TULP3: variants seen among roughly 807,000 people sequenced by gnomAD.
TULP3 encodes TUB like protein 3, also known as tubby-related protein 3.
TULP3 carries 38 observed loss-of-function variants against 50.7 expected under a neutral mutation model. That is an observed-to-expected ratio of 0.75 (90% CI 0.58 to 0.98). The LOEUF (loss-of-function observed/expected upper bound fraction) is 0.98, where lower values mean the gene tolerates loss of function less well. Ranked by LOEUF, TULP3 falls within the 50% of genes least tolerant of loss-of-function variation. The pLI is 0.00. For missense variants in TULP3, 550 were observed against 568.0 expected, an observed-to-expected ratio of 0.97 and a Z score of 0.32; for synonymous variants, 183 against 196.6, an observed-to-expected ratio of 0.93 and a Z score of 0.58.
At position 2,911,664 on chromosome 12, in the gene TULP3, CTTTTTTTTTTTTTTTTTTTTTTTTT is replaced by C. The variant is rs56027951; in HGVS notation, c.93+2103_93+2127del. 1.1e-3 allele frequency among the ~76,000 whole-genome samples: 41 copies of C among 38,180 alleles called. 3 individuals are homozygous for C. Among genetic ancestry groups the C allele is most frequent in the Non-Finnish European group, 1.0e-3 (20 of 19,594 alleles). The allele number at this position is 38,180 out of a possible 152,430, so 25.0% of individuals were successfully genotyped here. The stretch of plus-strand genomic sequence containing the variant: ...ACAGGCGTGAGCCACTGCGCCCAGC[CTTTTTTTTTTTTTTTTTTTTTTTTT>C]TTTTTTTTTTTTTTTTTTGAGTCAG... On this transcript the variant is annotated intron_variant, in intron 2 of 10. Coordinates refer to ENST00000448120, the MANE Select transcript of TULP3 (RefSeq NM_003324.5).
intron 1 of TULP3, among the ~76,000 whole-genome samples, chr12:2,899,785 C>T (rs961907854): frequency 2.0e-5 from 3 of 151,368 alleles, no homozygotes; most frequent in Admixed American, 1.3e-4. Flanking sequence ...CTTAGTTACT[C>T]GGGAGGCTGA....
chr12:2,922,357 G>T lies in TULP3; in HGVS notation c.349G>T (p.Asp117Tyr). The change falls in exon 4 of 11, where the codon GAT becomes TAT. Residue 117 changes from aspartate (D) to tyrosine (Y), a missense_variant. Coordinates refer to ENST00000448120, the MANE Select transcript of TULP3 (RefSeq NM_003324.5). ...VVEEDAENTV[D>Y]TASKPGLQER... ...GGAAGAAGATGCTGAAAACACCGTGGATACTGCTTCCAAGCCAGGACTTCA... is the reference window on the plus strand; with the variant it reads ...GGAAGAAGATGCTGAAAACACCGTGTATACTGCTTCCAAGCCAGGACTTCA... The T allele has an allele frequency of 6.2e-7, 1 of 1,614,088 alleles. No individual in the cohort carries two copies.
chr12:2,901,682 T>C (rs1187790236), intron 1 of TULP3, among the ~76,000 whole-genome samples: 1 of 152,122 alleles, frequency 6.6e-6, no homozygotes, highest in Non-Finnish European at 1.5e-5. Flanking sequence ...CGTGCCTGGC[T>C]CCAATTTTTA....
chr12:2,938,389 A>G lies in TULP3; in HGVS notation c.1195+104A>G, dbSNP rs114621268. 2.3e-3 allele frequency: 2,949 copies of G among 1,277,634 alleles called. 57 individuals carry two copies. In the African/African-American group the frequency reaches 0.038, roughly 16 times the overall value. 79.1% of individuals were successfully genotyped at this position (1,277,634 alleles called of 1,614,324 possible). A position where few individuals can be genotyped will look rare whatever the true frequency, so the allele number is the denominator to read the frequency against. On this transcript the variant is annotated intron_variant, in intron 10 of 10. Transcript: ENST00000448120. ...GATAGGAAGTGACAGTCAGCAGATA[A>G]TCATGGAGGAGAGACAGGATTTCTT...
intron 1 of TULP3, among the ~76,000 whole-genome samples, chr12:2,907,657 A>T (rs2098183116): frequency 2.6e-5 from 3 of 114,388 alleles, no homozygotes; most frequent in African/African-American, 1.2e-4. Context: ...CAAAAAAAAA[A>T]AAAATTTTTT....
At chr12:2,924,432 C>CT (rs1173178800) in intron 4 of TULP3, among the ~76,000 whole-genome samples, 1 of 152,052 alleles carries the variant, frequency 6.6e-6, no homozygotes, top group Non-Finnish European at 1.5e-5. Context: ...AATCCCAGCA[C>CT]TTTAAGAGGC....
At chr12:2,919,094 G>C (rs554292579) in intron 2 of TULP3, among the ~76,000 whole-genome samples, 1 of 152,116 alleles carries the variant, frequency 6.6e-6, no homozygotes, top group East Asian at 1.9e-4. Flanking sequence ...GTTTCACCAT[G>C]TTGGCCAGGG....
chr12:2,938,778 C>T (rs892954583), intron 10 of TULP3, among the ~76,000 whole-genome samples: 6 of 151,162 alleles, frequency 4.0e-5, no homozygotes, highest in African/African-American at 1.2e-4. Context: ...AAGAACCTGT[C>T]TCAGAAAAAA....
In TULP3 at chr12:2,939,196, G is replaced by C; in HGVS notation, c.1196-115G>C. 8.4e-7 allele frequency: 1 copy of C among 1,189,940 alleles called. No homozygotes were observed. Among genetic ancestry groups the C allele is most frequent in the Non-Finnish European group, 1.2e-6 (1 of 837,532 alleles). The allele number at this position is 1,189,940 out of a possible 1,614,324, so 73.7% of individuals were successfully genotyped here. A position where few individuals can be genotyped will look rare whatever the true frequency, so the allele number is the denominator to read the frequency against. On this transcript the variant is annotated intron_variant, in intron 10 of 10. Transcript: ENST00000448120. This position sits in a 1 kb window ranked among gnomAD's most constrained non-coding sequence, Gnocchi z 4.0. ...CAGTGAGCTGTGGTCATTCCACTAG[G>C]CTCCAGCCAGGGCGACAGAGCAAAA...
intron 3 of TULP3, 90 bp downstream of exon 3, chr12:2,921,012 ATAT>A: frequency 6.8e-7 from 1 of 1,477,738 alleles, no homozygotes; most frequent in Non-Finnish European, 9.3e-7. Context: ...CAAAGGGACA[ATAT>A]TATTAGCACC....
At chr12:2,921,919 C>CA (rs368063535) in intron 3 of TULP3, among the ~76,000 whole-genome samples, 94 of 152,106 alleles carry the variant, frequency 6.2e-4, no homozygotes, top group Middle Eastern at 6.8e-3. Flanking sequence ...TCCATCTCTA[C>CA]AAAAAAATTA....
chr12:2,929,714 C>T (rs1018060920), intron 4 of TULP3, among the ~76,000 whole-genome samples: 9 of 152,074 alleles, frequency 5.9e-5, no homozygotes, highest in Non-Finnish European at 1.0e-4. Context: ...CCTCAGCCTC[C>T]TGAGTAGCTG....
At chr12:2,893,673 G>A (rs886323103) in intron 1 of TULP3, among the ~76,000 whole-genome samples, 1 of 149,738 alleles carries the variant, frequency 6.7e-6, no homozygotes, top group East Asian at 2.0e-4. Context: ...CTGTATTACT[G>A]CCTTTCAATG....
intron 1 of TULP3, among the ~76,000 whole-genome samples, chr12:2,898,170 G>A (rs748816928): frequency 2.4e-4 from 37 of 151,182 alleles, no homozygotes; most frequent in Non-Finnish European, 4.4e-4. Context: ...ATAACCTTCT[G>A]AGTTAAGTGT....
At position 2,939,573 on chromosome 12, in the gene TULP3, T is replaced by A. The variant is rs1372204014; in HGVS notation, c.*129T>A. On this transcript the variant is annotated 3_prime_UTR_variant, in exon 11 of 11. Transcript: ENST00000448120. The surrounding 1 kb of genome is among the most constrained non-coding windows in gnomAD (Gnocchi z 4.0). ...CCCCTTTTGGAATGATCTCTGAATA[T>A]ATAAAACACACACACAAAGAGCAAT... 8.0e-7 allele frequency: 1 copy of A among 1,252,576 alleles called. No individual in the cohort carries two copies. The highest frequency in any genetic ancestry group is 1.1e-6 in the Non-Finnish European group (1 of 926,138). 77.6% of individuals were successfully genotyped at this position (1,252,576 alleles called of 1,614,324 possible).
chr12:2,933,755 A>G (rs2098199583), intron 7 of TULP3, among the ~76,000 whole-genome samples: 1 of 152,144 alleles, frequency 6.6e-6, no homozygotes, highest in Non-Finnish European at 1.5e-5. Context: ...GTTGGAGTCC[A>G]GCCTGGCCAA....
intron 2 of TULP3, among the ~76,000 whole-genome samples, chr12:2,911,081 C>A (rs567775565): frequency 1.3e-5 from 2 of 151,196 alleles, no homozygotes; most frequent in African/African-American, 4.9e-5. Context: ...TATATAGATA[C>A]ATTTTCTGAG....
intron 2 of TULP3, among the ~76,000 whole-genome samples, chr12:2,917,313 A>G (rs2153949342): frequency 6.6e-6 from 1 of 152,168 alleles, no homozygotes; most frequent in African/African-American, 2.4e-5. Flanking sequence ...CTCTACTAAA[A>G]GTTTAAAAAT....
chr12:2,916,423 T>G (rs7953203), intron 2 of TULP3, among the ~76,000 whole-genome samples: 72,598 of 152,082 alleles, frequency 0.48, 17,805 homozygotes, highest in African/African-American at 0.6. Flanking sequence ...TAGTAAGACA[T>G]ACCACTAAAT....
Sources: gnomAD v4.1 joint callset for allele counts (sites outside exome capture counted in the v4.1 genomes callset) on GRCh38, gnomAD v4.1.1 for gene constraint, Gnocchi (gnomAD v3.1) non-coding constraint, MANE v1.5 for transcripts, NCBI Gene and HGNC (gene_info 2026-07-23, HGNC 2026-07-21) for gene names.